Variants in RANBP2 observed in about 807,000 individuals in gnomAD.
The protein encoded by RANBP2 is E3 SUMO-protein ligase RanBP2.
RANBP2 carries 57 observed loss-of-function variants against 303.6 expected under a neutral mutation model. That is an observed-to-expected ratio of 0.19 (90% CI 0.15 to 0.23). The LOEUF is 0.23. Ranked by LOEUF, RANBP2 falls within the 10% of genes least tolerant of loss-of-function variation. The pLI is 1.00. For missense variants in RANBP2, 3,138 were observed against 3,780.8 expected (o/e 0.83, Z 4.46); for synonymous variants, 1,167 against 1,301.5 (o/e 0.90, Z 2.23).
At chr2:109,375,372 A>G in the RANBP2 span, among the ~76,000 whole-genome samples, 4 of 152,188 alleles carry the variant, frequency 2.6e-5, no homozygotes, top group Non-Finnish European at 5.9e-5. Flanking sequence ...ACACCTGTTC[A>G]TCAGATGCCA....
the RANBP2 span, among the ~76,000 whole-genome samples, chr2:109,623,780 G>A: frequency 6.6e-6 from 1 of 152,166 alleles, no homozygotes; most frequent in Non-Finnish European, 1.5e-5. Context: ...TATCAAGAAG[G>A]TGGATACCAC....
At chr2:108,831,381 T>C in the RANBP2 span, among the ~76,000 whole-genome samples, 3 of 152,182 alleles carry the variant, frequency 2.0e-5, no homozygotes, top group Non-Finnish European at 4.4e-5. Flanking sequence ...GGACAAAATA[T>C]GCCAAATCTT....
the RANBP2 span, among the ~76,000 whole-genome samples, chr2:109,442,331 A>G: frequency 0.084 from 12,777 of 151,270 alleles, 730 homozygotes; most frequent in African/African-American, 0.15. Context: ...AAAAAAGAAA[A>G]AATCCACACT....
the RANBP2 span, among the ~76,000 whole-genome samples, chr2:109,126,999 G>C: frequency 6.6e-6 from 1 of 152,314 alleles, no homozygotes; most frequent in East Asian, 1.9e-4. Context: ...AAGAGTGAAA[G>C]GTGGCTCATG....
the RANBP2 span, among the ~76,000 whole-genome samples, chr2:109,410,023 A>G: frequency 6.6e-6 from 1 of 152,184 alleles, no homozygotes; most frequent in Non-Finnish European, 1.5e-5. Flanking sequence ...ACAGCCTGCC[A>G]ACGCCCAGAC....
chr2:108,735,225 T>C (rs1221118303), intron 4 of RANBP2, among the ~76,000 whole-genome samples: 5 of 152,126 alleles, frequency 3.3e-5, no homozygotes, highest in Non-Finnish European at 7.4e-5. Flanking sequence ...GAGGATTGAC[T>C]GGGGAGGTCT....
intron 28 of RANBP2, 92 bp from the exon 29 acceptor site, chr2:108,783,504 T>C (rs967436168): frequency 1.1e-6 from 1 of 881,726 alleles, no homozygotes; most frequent in Middle Eastern, 3.2e-4. Flanking sequence ...TAACATGTAG[T>C]GATGAGTTCT....
chr2:109,113,606 C>T, the RANBP2 span, among the ~76,000 whole-genome samples: 7 of 152,336 alleles, frequency 4.6e-5, no homozygotes, highest in East Asian at 9.6e-4. Flanking sequence ...TTCCTCTTTT[C>T]CTCATTGAAT....
chr2:108,728,960 G>T (rs1694952973), intron 1 of RANBP2, among the ~76,000 whole-genome samples, 172 bp from the exon 2 acceptor site: 1 of 152,086 alleles, frequency 6.6e-6, no homozygotes, highest in Non-Finnish European at 1.5e-5. Context: ...TTTGTTTTGT[G>T]ATAGGAAATT....
the RANBP2 span, among the ~76,000 whole-genome samples, chr2:109,368,292 G>C: frequency 0.018 from 2,770 of 151,962 alleles, 81 homozygotes; most frequent in African/African-American, 0.058. Flanking sequence ...ATTTAGTTTT[G>C]CTGTAGCCAA....
the RANBP2 span, among the ~76,000 whole-genome samples, chr2:109,097,033 C>T: frequency 8.5e-5 from 13 of 152,118 alleles, no homozygotes; most frequent in African/African-American, 1.2e-4. Context: ...GGGCCAGGCA[C>T]GGTGGCTCAC....
At chr2:109,528,811 C>T in the RANBP2 span, among the ~76,000 whole-genome samples, 1 of 152,180 alleles carries the variant, frequency 6.6e-6, no homozygotes, top group South Asian at 2.1e-4. Flanking sequence ...ATGGAGACAC[C>T]ATCCTGGATT....
At chr2:109,253,501 A>G in the RANBP2 span, among the ~76,000 whole-genome samples, 8 of 152,004 alleles carry the variant, frequency 5.3e-5, no homozygotes, top group Non-Finnish European at 1.2e-4. Flanking sequence ...CAGGCTTGCT[A>G]TTTGTTTTCT....
chr2:109,686,576 G>T, the RANBP2 span, among the ~76,000 whole-genome samples: 1 of 152,006 alleles, frequency 6.6e-6, no homozygotes. Flanking sequence ...GCCTCCCAAC[G>T]TGCTGGGATT....
the RANBP2 span, among the ~76,000 whole-genome samples, chr2:109,360,725 T>C: frequency 6.6e-6 from 1 of 152,264 alleles, no homozygotes; most frequent in African/African-American, 2.4e-5. Context: ...CAGTTGGTTC[T>C]TTCAGATTTT....
chr2:109,643,002 C>T, the RANBP2 span, among the ~76,000 whole-genome samples: 5 of 151,890 alleles, frequency 3.3e-5, no homozygotes, highest in African/African-American at 1.2e-4. Context: ...CAGTGAGACC[C>T]TGTCTCTACT....
chr2:108,786,990 G>A (rs1678924485), downstream of RANBP2: 4 of 1,021,740 alleles, frequency 3.9e-6, no homozygotes, highest in Non-Finnish European at 5.2e-6. Flanking sequence ...CCGCGCAGCC[G>A]GCCTGGGGGC....
At chr2:109,476,381 G>A in the RANBP2 span, among the ~76,000 whole-genome samples, 7 of 152,190 alleles carry the variant, frequency 4.6e-5, no homozygotes, top group Admixed American at 1.3e-4. Flanking sequence ...GGTAGCCCCT[G>A]GGTGAGGTAC....
At chr2:109,615,331 AC>A in the RANBP2 span, 1 of 1,611,444 alleles carries the variant, frequency 6.2e-7, no homozygotes, top group South Asian at 1.1e-5. Flanking sequence ...GGCAAGTGGG[AC>A]AGCCTGGAGG....
Sources: allele counts gnomAD v4.1 joint callset (sites outside exome capture counted in the v4.1 genomes callset), GRCh38; gene constraint gnomAD v4.1.1; transcripts MANE v1.5; gene names NCBI Gene and HGNC (gene_info 2026-07-23, HGNC 2026-07-21).